NCKAP5: variants seen among roughly 807,000 people sequenced by gnomAD.
NCKAP5 encodes NCK associated protein 5, also known as nck-associated protein 5.
Under a neutral mutation model 167.0 loss-of-function variants are expected in NCKAP5, and 92 were observed. The ratio of observed to expected loss-of-function variants is 0.55; its 90% CI spans 0.47 to 0.66. The LOEUF is 0.66. Among genes scored for constraint, NCKAP5 ranks in the 30% least tolerant of loss-of-function variants. NCKAP5 has a pLI of 0.00. For missense variants in NCKAP5, 2,378 were observed against 2,315.0 expected, an observed-to-expected ratio of 1.03 and a Z score of -0.56; for synonymous variants, 891 against 877.4, an observed-to-expected ratio of 1.02 and a Z score of -0.27.
Position 132,752,812 on chromosome 2 carries a change from G to A in NCKAP5, c.5129-20761C>T, listed in dbSNP as rs183408309. ...AGCAAGCTGGAGACCCAGGAGAGCC[G>A]ATTTGTTATTCTAGTGCAAAGGCCC... On this transcript the variant is annotated intron_variant, in intron 16 of 19. Coordinates refer to ENST00000409261, the MANE Select transcript of NCKAP5 (RefSeq NM_207363.3). Among the ~76,000 whole-genome samples the A allele has an allele frequency of 3.5e-3, 532 of 152,238 alleles. 5 individuals carry two copies. The highest frequency in any genetic ancestry group is 0.012 in the African/African-American group (494 of 41,538).
intron 16 of NCKAP5, among the ~76,000 whole-genome samples, chr2:132,732,278 A>T: frequency 8.3e-6 from 1 of 121,000 alleles, no homozygotes; most frequent in Non-Finnish European, 1.6e-5. Context: ...AACATCACAC[A>T]CTGGGGCCTG....
At chr2:133,344,950 A>T (rs1314246995) in intron 3 of NCKAP5, among the ~76,000 whole-genome samples, 1 of 152,088 alleles carries the variant, frequency 6.6e-6, no homozygotes, top group African/African-American at 2.4e-5. Flanking sequence ...ATATGAAGAT[A>T]TGAATTTGGA....
At chr2:132,880,278 A>G (rs1252619911) in intron 8 of NCKAP5, among the ~76,000 whole-genome samples, 2 of 152,224 alleles carry the variant, frequency 1.3e-5, no homozygotes, top group African/African-American at 4.8e-5. Context: ...ATAGCTAACA[A>G]CAACGTATTG....
intron 6 of NCKAP5, among the ~76,000 whole-genome samples, chr2:133,003,140 G>T (rs190215431): frequency 3.3e-5 from 5 of 152,166 alleles, no homozygotes; most frequent in Non-Finnish European, 7.3e-5. Context: ...ACTTACCACT[G>T]TCGGCTCCTG....
Position 132,672,432 on chromosome 2 carries a change from T to A in NCKAP5, c.*857A>T, listed in dbSNP as rs1683860737. The A allele has an allele frequency of 6.6e-6, 1 of 152,206 alleles. No homozygotes were observed. Among genetic ancestry groups the A allele is most frequent in the Admixed American group, 6.5e-5 (1 of 15,282 alleles). 9.4% of individuals were successfully genotyped at this position (152,206 alleles called of 1,614,324 possible). ...GCAGAAGCAGAATGACACTTATTAC[T>A]ATCACCTGAATCTCTGGCAACGAAT... is the stretch of plus-strand genomic sequence containing the variant. On this transcript the variant is annotated 3_prime_UTR_variant, in exon 20 of 20. Transcript: ENST00000409261.
chr2:133,383,823 A>G (rs938974999), intron 3 of NCKAP5, among the ~76,000 whole-genome samples: 17 of 152,160 alleles, frequency 1.1e-4, no homozygotes, highest in Non-Finnish European at 1.9e-4. Context: ...CAGTGATGAC[A>G]AGCATTTTTT....
chr2:133,296,948 G>A (rs772528927), intron 4 of NCKAP5, among the ~76,000 whole-genome samples: 33 of 152,186 alleles, frequency 2.2e-4, no homozygotes, highest in Admixed American at 1.4e-3. Flanking sequence ...ATATGAGGCC[G>A]CAAATGGATA....
chr2:133,240,457 G>A (rs1319179377), intron 4 of NCKAP5, among the ~76,000 whole-genome samples: 1 of 152,106 alleles, frequency 6.6e-6, no homozygotes. Flanking sequence ...GCCCATCTCT[G>A]ATGCCCCCCA....
At chr2:133,619,244 A>G in the NCKAP5 span, among the ~76,000 whole-genome samples, 2 of 149,138 alleles carry the variant, frequency 1.3e-5, no homozygotes, top group Non-Finnish European at 3.0e-5. Flanking sequence ...AGCATGGTAC[A>G]TGTATACATA....
chr2:132,884,877 T>C (rs1351943337), intron 8 of NCKAP5, among the ~76,000 whole-genome samples: 1 of 152,240 alleles, frequency 6.6e-6, no homozygotes, highest in Non-Finnish European at 1.5e-5. Context: ...GCAAAAACAC[T>C]GCAATCGATC....
At chr2:133,249,386 G>A (rs1285755502) in intron 4 of NCKAP5, among the ~76,000 whole-genome samples, 1 of 152,116 alleles carries the variant, frequency 6.6e-6, no homozygotes, top group Non-Finnish European at 1.5e-5. Flanking sequence ...TAGAAAGTGG[G>A]GAAGGTTAAA....
the NCKAP5 span, among the ~76,000 whole-genome samples, chr2:133,655,334 G>T: frequency 2.0e-5 from 3 of 152,160 alleles, no homozygotes; most frequent in African/African-American, 7.2e-5. Context: ...TTGAGAATTT[G>T]TTTCTGGTTT....
At chr2:132,787,262 C>A (rs778990635) in intron 13 of NCKAP5, among the ~76,000 whole-genome samples, 1 of 151,234 alleles carries the variant, frequency 6.6e-6, no homozygotes, top group Admixed American at 6.6e-5. Context: ...GCAGGAGAAT[C>A]GCTTGAACCT....
chr2:132,694,740 C>G (rs1484809377), intron 19 of NCKAP5, among the ~76,000 whole-genome samples: 1 of 152,202 alleles, frequency 6.6e-6, no homozygotes, highest in Non-Finnish European at 1.5e-5. Context: ...CAACGCCTCA[C>G]TTTGAAGCTT....
intron 2 of NCKAP5, among the ~76,000 whole-genome samples, chr2:133,553,773 A>G (rs563751770): frequency 6.6e-6 from 1 of 152,224 alleles, no homozygotes; most frequent in Non-Finnish European, 1.5e-5. Flanking sequence ...GGCTATATAC[A>G]TAATAAATGA....
intron 5 of NCKAP5, among the ~76,000 whole-genome samples, chr2:133,149,191 T>C (rs1445344960): frequency 6.6e-6 from 1 of 152,196 alleles, no homozygotes; most frequent in East Asian, 1.9e-4. Flanking sequence ...GTCACATACA[T>C]AGAAGCTTCT....
At chr2:132,860,293 T>C (rs1689793366) in intron 11 of NCKAP5, among the ~76,000 whole-genome samples, 199 bp downstream of exon 11, 1 of 152,222 alleles carries the variant, frequency 6.6e-6, no homozygotes, top group African/African-American at 2.4e-5. Context: ...TGTTAGTGCA[T>C]TTCCTTATCT....
intron 3 of NCKAP5, among the ~76,000 whole-genome samples, chr2:133,461,871 C>G (rs929918965): frequency 1.3e-5 from 2 of 151,178 alleles, no homozygotes; most frequent in Non-Finnish European, 2.9e-5. Flanking sequence ...TAGGATATGC[C>G]TAATATTTCC....
At chr2:133,089,381 T>A (rs543850176) in intron 6 of NCKAP5, among the ~76,000 whole-genome samples, 1 of 152,204 alleles carries the variant, frequency 6.6e-6, no homozygotes, top group Non-Finnish European at 1.5e-5. Context: ...ACTAATTTAA[T>A]ACTGTTTGAT....
Sources: allele counts gnomAD v4.1 joint callset (sites outside exome capture counted in the v4.1 genomes callset), GRCh38; gene constraint gnomAD v4.1.1; transcripts MANE v1.5; gene names NCBI Gene and HGNC (gene_info 2026-07-23, HGNC 2026-07-21).